Variants in ADIPOR2 observed in about 807,000 individuals in gnomAD.
The protein encoded by ADIPOR2 is adiponectin receptor 2, also known as adiponectin receptor protein 2.
Under a neutral mutation model 40.9 loss-of-function variants are expected in ADIPOR2, and 18 were observed. The ratio of observed to expected loss-of-function variants is 0.44; its 90% confidence interval spans 0.30 to 0.65. ADIPOR2 has a LOEUF of 0.65. Among genes scored for constraint, ADIPOR2 ranks in the 30% least tolerant of loss-of-function variants. The pLI, the probability that ADIPOR2 is intolerant of heterozygous loss-of-function variation, is 0.09. For missense variants in ADIPOR2, 283 were observed against 479.2 expected (o/e 0.59, Z 3.82); for synonymous variants, 165 against 166.4 (o/e 0.99, Z 0.06).
intron 6 of ADIPOR2, among the ~76,000 whole-genome samples, chr12:1,781,905 A>T (rs1315233261): frequency 6.6e-6 from 1 of 152,204 alleles, no homozygotes; most frequent in African/African-American, 2.4e-5. Flanking sequence ...ATATGAGCAA[A>T]TGAGCATTGG....
At chr12:1,702,582 G>GT (rs2154441435) in intron 1 of ADIPOR2, among the ~76,000 whole-genome samples, 1 of 151,884 alleles carries the variant, frequency 6.6e-6, no homozygotes, top group Admixed American at 6.5e-5. Flanking sequence ...CTATTCAAGT[G>GT]TTTGTTTCTT....
intron 1 of ADIPOR2, among the ~76,000 whole-genome samples, chr12:1,701,302 A>G (rs1265930348): frequency 6.6e-6 from 1 of 151,910 alleles, no homozygotes; most frequent in East Asian, 1.9e-4. Context: ...TAATATTTGT[A>G]TATTTTGTAG....
In ADIPOR2 at chr12:1,786,097, G is replaced by T. The variant is rs776821829; in HGVS notation, c.*25G>T. The T allele has an allele frequency of 2.5e-6, 4 of 1,611,226 alleles. No homozygotes were observed. Among genetic ancestry groups the T allele is most frequent in the Non-Finnish European group, 3.4e-6 (4 of 1,179,164 alleles). Reference sequence around the variant, plus strand: ...ATACCTACCAGTCTCCAGGGACTATGACCCTAAACCAGGGCCTGCGGCACT... The same window carrying T: ...ATACCTACCAGTCTCCAGGGACTATTACCCTAAACCAGGGCCTGCGGCACT... On this transcript the variant is annotated 3_prime_UTR_variant, in exon 8 of 8. Coordinates refer to ENST00000357103, the MANE Select transcript of ADIPOR2 (RefSeq NM_024551.3).
chr12:1,724,074 C>T (rs958148119), intron 1 of ADIPOR2, among the ~76,000 whole-genome samples: 27 of 152,044 alleles, frequency 1.8e-4, no homozygotes, highest in East Asian at 1.2e-3. Flanking sequence ...CTCTGCCTCC[C>T]GGGTTCAAGC....
chr12:1,735,446 G>C (rs1265187230), intron 1 of ADIPOR2, among the ~76,000 whole-genome samples: 1 of 152,162 alleles, frequency 6.6e-6, no homozygotes, highest in Admixed American at 6.5e-5. Context: ...CGTTGATTTT[G>C]TATCCTGAGA....
At chr12:1,731,401 C>T (rs1341995708) in intron 1 of ADIPOR2, among the ~76,000 whole-genome samples, 2 of 152,124 alleles carry the variant, frequency 1.3e-5, no homozygotes, top group Non-Finnish European at 2.9e-5. Flanking sequence ...GGGTGCAGTT[C>T]AGTGGCATTA....
intron 5 of ADIPOR2, 56 bp from the exon 6 acceptor site, chr12:1,780,833 A>G: frequency 6.8e-7 from 1 of 1,470,854 alleles, no homozygotes; most frequent in Non-Finnish European, 9.1e-7. Context: ...TGGAACCTGT[A>G]GTGGCCAGTA....
At chr12:1,706,302 G>A (rs2154441591) in intron 1 of ADIPOR2, among the ~76,000 whole-genome samples, 1 of 152,288 alleles carries the variant, frequency 6.6e-6, no homozygotes, top group South Asian at 2.1e-4. Context: ...CACTTTATCT[G>A]GCACATGGTA....
intron 2 of ADIPOR2, among the ~76,000 whole-genome samples, chr12:1,761,320 TATCA>T (rs1862265477): frequency 6.6e-6 from 1 of 152,226 alleles, no homozygotes; most frequent in Non-Finnish European, 1.5e-5. Context: ...ATGTTGCTAT[TATCA>T]TTCATGTAGA....
In ADIPOR2 at chr12:1,708,056, C is replaced by T. The variant is rs890795450; in HGVS notation, c.-87+16865C>T. On this transcript the variant is annotated intron_variant, in intron 1 of 7. Coordinates refer to ENST00000357103, the MANE Select transcript of ADIPOR2 (RefSeq NM_024551.3). ...TGTTTGGTAAAAAAATAACAATATG[C>T]GAATAAAAAATAATACAAATAAAAA... 8.6e-5 allele frequency among the ~76,000 whole-genome samples: 13 copies of T among 150,754 alleles called. No individual in the cohort carries two copies. In the South Asian group the frequency reaches 1.0e-3, roughly 12 times the overall value.
intron 1 of ADIPOR2, among the ~76,000 whole-genome samples, chr12:1,739,655 G>C (rs766555215): frequency 3.9e-5 from 6 of 152,172 alleles, no homozygotes; most frequent in Non-Finnish European, 8.8e-5. Context: ...TTGTAGGAGA[G>C]ACCTTTTGTG....
chr12:1,736,732 T>C (rs2094731636), intron 1 of ADIPOR2, among the ~76,000 whole-genome samples: 1 of 152,276 alleles, frequency 6.6e-6, no homozygotes, highest in Non-Finnish European at 1.5e-5. Context: ...TCTTTCCTGC[T>C]TTCTCTTGTG....
At chr12:1,734,135 A>C (rs1029695259) in intron 1 of ADIPOR2, among the ~76,000 whole-genome samples, 1 of 152,190 alleles carries the variant, frequency 6.6e-6, no homozygotes, top group African/African-American at 2.4e-5. Flanking sequence ...CAGTAATGGG[A>C]TGGCTGGGTC....
Position 1,768,901 on chromosome 12 carries a change from T to C in ADIPOR2, c.172-3941T>C, listed in dbSNP as rs150023763. ...ACCTCTACAAGTTTAAATATAGTTA[T>C]TCATAGAAAAACCTGGAGAATTAAG... is the stretch of plus-strand genomic sequence containing the variant. On this transcript the variant is annotated intron_variant, in intron 2 of 7. Transcript: ENST00000357103. 2.3e-3 allele frequency among the ~76,000 whole-genome samples: 355 copies of C among 152,354 alleles called. 2 individuals are homozygous for C. Among genetic ancestry groups the C allele is most frequent in the African/African-American group, 8.0e-3 (334 of 41,582 alleles).
intron 1 of ADIPOR2, among the ~76,000 whole-genome samples, chr12:1,702,005 C>T (rs1190247707): frequency 1.3e-5 from 2 of 152,068 alleles, no homozygotes; most frequent in Non-Finnish European, 2.9e-5. Flanking sequence ...GCCTGTAATC[C>T]CAGCTACTCA....
intron 2 of ADIPOR2, among the ~76,000 whole-genome samples, chr12:1,768,929 T>G (rs1396076272): frequency 6.6e-6 from 1 of 152,256 alleles, no homozygotes; most frequent in African/African-American, 2.4e-5. Flanking sequence ...GAATTAAGTT[T>G]TATGCCTTTA....
chr12:1,745,762 ATGTTGCTC>A (rs2094753695), intron 1 of ADIPOR2, among the ~76,000 whole-genome samples: 1 of 152,172 alleles, frequency 6.6e-6, no homozygotes, highest in Non-Finnish European at 1.5e-5. Context: ...AGCAGAATTC[ATGTTGCTC>A]TGTTAGGGTG....
chr12:1,774,799 G>A (rs559304702), intron 3 of ADIPOR2, among the ~76,000 whole-genome samples: 19 of 152,320 alleles, frequency 1.2e-4, no homozygotes, highest in South Asian at 4.1e-4. Flanking sequence ...CCAACTCCCG[G>A]GTTCAAGTGA....
chr12:1,774,502 C>CA (rs1862546496), intron 3 of ADIPOR2, among the ~76,000 whole-genome samples: 1 of 152,196 alleles, frequency 6.6e-6, no homozygotes, highest in African/African-American at 2.4e-5. Context: ...CCAGCCGTGT[C>CA]TAGTGGCACA....
Sources: gnomAD v4.1 joint callset for allele counts (sites outside exome capture counted in the v4.1 genomes callset) on GRCh38, gnomAD v4.1.1 for gene constraint, MANE v1.5 for transcripts, NCBI Gene and HGNC (gene_info 2026-07-23, HGNC 2026-07-21) for gene names.